Variants in VASP observed in about 807,000 individuals in gnomAD.
The protein encoded by VASP is vasodilator stimulated phosphoprotein, also known as vasodilator-stimulated phosphoprotein.
Under a neutral mutation model 54.4 loss-of-function variants are expected in VASP, and 27 were observed. That is an observed-to-expected ratio of 0.50 (90% CI 0.37 to 0.68). VASP has a LOEUF of 0.68. Ranked by LOEUF, VASP falls within the 30% of genes least tolerant of loss-of-function variation. The probability of loss-of-function intolerance (pLI) is 0.00; values close to 1 mark genes in which losing one functional copy is unlikely to be tolerated. For synonymous variants in VASP, 233 were observed against 209.8 expected, an observed-to-expected ratio of 1.11 and a Z score of -0.96; for missense variants, 488 against 528.3, an observed-to-expected ratio of 0.92 and a Z score of 0.75.
chr19:45,522,855 T>C (rs754385050), intron 7 of VASP, 37 bp downstream of exon 7: 1 of 1,584,592 alleles, frequency 6.3e-7, no homozygotes. Flanking sequence ...CACCTGGAGT[T>C]CCAGTTCAGT....
At chr19:45,525,757 T>A (rs1336245673) in intron 11 of VASP, 189 bp from the exon 12 acceptor site, 1 of 544,392 alleles carries the variant, frequency 1.8e-6, no homozygotes, top group East Asian at 3.3e-5. Flanking sequence ...TGGTCCCAGC[T>A]ACTTGGGAGG....
chr19:45,516,065 G>C (rs895557374), intron 1 of VASP, among the ~76,000 whole-genome samples: 2 of 152,216 alleles, frequency 1.3e-5, no homozygotes, highest in Non-Finnish European at 2.9e-5. Flanking sequence ...GGCTAAGTCA[G>C]ACGTTGCCTT....
chr19:45,517,446 C>G (rs950675614), intron 1 of VASP, among the ~76,000 whole-genome samples: 2 of 151,714 alleles, frequency 1.3e-5, no homozygotes, highest in Admixed American at 1.3e-4. Context: ...CCTCTCTCTG[C>G]GTCTGTCTCT....
At chr19:45,522,125 T>G (rs752008258) in intron 4 of VASP, 43 bp from the exon 5 acceptor site, 1 of 1,612,142 alleles carries the variant, frequency 6.2e-7, no homozygotes, top group Non-Finnish European at 8.5e-7. Context: ...CTGGCCATCC[T>G]TAGGGCCCTG....
At chr19:45,523,528 C>G in intron 7 of VASP, 116 bp from the exon 8 acceptor site, 1 of 1,204,228 alleles carries the variant, frequency 8.3e-7, no homozygotes, top group Middle Eastern at 1.9e-4. Context: ...CTAGAGTTTC[C>G]TTAGGTTTTC....
intron 7 of VASP, among the ~76,000 whole-genome samples, chr19:45,523,244 C>T (rs1968885087): frequency 7.6e-6 from 1 of 132,140 alleles, no homozygotes; most frequent in Non-Finnish European, 1.5e-5. Context: ...GCTCTGTCAC[C>T]CAGGCTGGAG....
At chr19:45,513,493 A>T (rs1197251537) in intron 1 of VASP, among the ~76,000 whole-genome samples, 1 of 99,286 alleles carries the variant, frequency 1.0e-5, no homozygotes. Flanking sequence ...TTTTTTTGAG[A>T]CAGAGTCTCG....
intron 1 of VASP, among the ~76,000 whole-genome samples, chr19:45,511,023 C>CAA (rs534096428): frequency 3.5e-4 from 53 of 150,130 alleles, no homozygotes; most frequent in Admixed American, 8.6e-4. Flanking sequence ...ACTGTGAAAA[C>CAA]TCTTAAGATA....
rs760751536 is a variant in VASP at position 45,524,137 on chromosome 19, G to A, written c.951G>A (p.Leu317=). Residue 317 remains leucine (L), a synonymous_variant, in exon 10 of 13, where the codon TTG becomes TTA. Coordinates refer to ENST00000245932, the MANE Select transcript of VASP (RefSeq NM_003370.4). ...RRPWEKNSTT[L]PRMKSSSSVT... is the part of the protein sequence containing the mutation. The stretch of plus-strand genomic sequence containing the variant: ...CCTGGGAGAAGAACAGCACAACCTT[G>A]CCAAGGTAGGCCATCGGTCCTGGGG... 6.2e-7 allele frequency: 1 copy of A among 1,613,534 alleles called. No individual in the cohort carries two copies. The highest frequency in any genetic ancestry group is 8.5e-7 in the Non-Finnish European group (1 of 1,180,010).
intron 3 of VASP, 140 bp downstream of exon 3, chr19:45,518,234 A>G (rs1388843206): frequency 7.8e-7 from 1 of 1,283,602 alleles, no homozygotes; most frequent in African/African-American, 1.5e-5. Context: ...TATCACTAGC[A>G]TTTTGTGCAT....
At position 45,517,919 on chromosome 19, in the gene VASP, C is replaced by T. The variant is rs751104948; in HGVS notation, c.178-10C>T. ...CCGCCGCCCCTCACCCCCCTTTCCC[C>T]TCCCACCAGGTGGTCATCAACTGTG... On this transcript the variant is annotated splice_polypyrimidine_tract_variant and intron_variant, in intron 2 of 12. Coordinates refer to ENST00000245932, the MANE Select transcript of VASP (RefSeq NM_003370.4). The T allele has an allele frequency of 1.2e-6, 2 of 1,611,618 alleles. No individual in the cohort carries two copies. Among genetic ancestry groups the T allele is most frequent in the Non-Finnish European group, 1.7e-6 (2 of 1,179,162 alleles).
intron 1 of VASP, among the ~76,000 whole-genome samples, chr19:45,508,453 C>G (rs1237590888): frequency 6.6e-6 from 1 of 152,192 alleles, no homozygotes; most frequent in Non-Finnish European, 1.5e-5. Context: ...CTGGCCGTGC[C>G]TAGGACCGAG....
Position 45,526,373 on chromosome 19 carries a change from G to A in VASP, c.*196G>A, listed in dbSNP as rs56391434. 990 of 629,716 alleles carry A rather than the reference G, an allele frequency of 1.6e-3. 3 individuals are homozygous for A. Among genetic ancestry groups the A allele is most frequent in the Non-Finnish European group, 2.3e-3 (880 of 390,270 alleles). The allele number at this position is 629,716 out of a possible 1,614,324, so 39.0% of individuals were successfully genotyped here. On this transcript the variant is annotated 3_prime_UTR_variant, in exon 13 of 13. Coordinates refer to ENST00000245932, the MANE Select transcript of VASP (RefSeq NM_003370.4). ...CCACACTGGCTGCTGATTGGCTGGG[G>A]AGGCCCCCGCCCTTTTCTCCCTTTG...
Position 45,524,575 on chromosome 19 carries a change from A to T in VASP, c.962A>T (p.Lys321Met). 6.2e-7 allele frequency: 1 copy of T among 1,613,972 alleles called. No individual in the cohort carries two copies. Among genetic ancestry groups the T allele is most frequent in the Non-Finnish European group, 8.5e-7 (1 of 1,179,934 alleles). The stretch of plus-strand genomic sequence containing the variant: ...AACCACACCAACTCCCCCAGGATGA[A>T]GTCGTCTTCTTCGGTGACCACTTCC... The part of the protein sequence containing the change: ...EKNSTTLPRM[K>M]SSSSVTTSET... The change falls in exon 11 of 13, where the codon AAG becomes ATG. Residue 321 changes from lysine to methionine, a missense_variant. This residue lies in a region of VASP where 126 missense variants were observed against 134.8 expected (regional missense o/e 0.94). Coordinates refer to ENST00000245932, the MANE Select transcript of VASP (RefSeq NM_003370.4).
At chr19:45,509,623 T>C (rs932814731) in intron 1 of VASP, among the ~76,000 whole-genome samples, 2 of 152,184 alleles carry the variant, frequency 1.3e-5, no homozygotes, top group African/African-American at 4.8e-5. Context: ...GTGGGGGTGC[T>C]GGGGTGGGGT....
intron 3 of VASP, 55 bp downstream of exon 3, chr19:45,518,149 G>A: frequency 1.3e-6 from 2 of 1,577,590 alleles, no homozygotes; most frequent in South Asian, 2.3e-5. Context: ...GTGGCCTGGG[G>A]CTGCCGCTTT....
rs1179715149 is a variant in VASP at position 45,526,541 on chromosome 19, T to TG, written c.*366dup. 5.5e-6 allele frequency: 1 copy of TG among 180,190 alleles called. No homozygotes were observed. The highest frequency in any genetic ancestry group is 2.4e-5 in the African/African-American group (1 of 42,448). 11.2% of individuals were successfully genotyped at this position (180,190 alleles called of 1,614,324 possible). On this transcript the variant is annotated 3_prime_UTR_variant, in exon 13 of 13. Coordinates refer to ENST00000245932, the MANE Select transcript of VASP (RefSeq NM_003370.4). Reference sequence around the variant, plus strand: ...TTAACGCTTAATGCCTTCAAAGTTTTGGTTTTTTTAAGAAAAAAAAATATA... The same window carrying TG: ...TTAACGCTTAATGCCTTCAAAGTTTTGGGTTTTTTTAAGAAAAAAAAATATA...
rs779743146 is a variant in VASP, at chr19:45,522,608, G to A, written c.720+27G>A. On this transcript the variant is annotated intron_variant, in intron 6 of 12. Coordinates refer to ENST00000245932, the MANE Select transcript of VASP (RefSeq NM_003370.4). Reference sequence around the variant, plus strand: ...TGAGGGGCCGGGAGAGGTGGGCAGGGGGCAACAGGGCTTTTATGGGGGATG... The same window carrying A: ...TGAGGGGCCGGGAGAGGTGGGCAGGAGGCAACAGGGCTTTTATGGGGGATG... 8.0e-6 allele frequency: 12 copies of A among 1,500,462 alleles called. No individual in the cohort carries two copies. The Admixed American group carries it at 2.5e-4, about 31-fold the overall frequency. 92.9% of individuals were successfully genotyped at this position (1,500,462 alleles called of 1,614,324 possible). A position where few individuals can be genotyped will look rare whatever the true frequency, so the allele number is the denominator to read the frequency against.
At position 45,524,564 on chromosome 19, in the gene VASP, C is replaced by T; in HGVS notation, c.957-6C>T. The T allele has an allele frequency of 6.2e-7, 1 of 1,613,976 alleles. No homozygotes were observed. Among genetic ancestry groups the T allele is most frequent in the Non-Finnish European group, 8.5e-7 (1 of 1,179,936 alleles). On this transcript the variant is annotated splice_region_variant and splice_polypyrimidine_tract_variant and intron_variant, in intron 10 of 12. Coordinates refer to ENST00000245932, the MANE Select transcript of VASP (RefSeq NM_003370.4). ...TTGCTGTCCCAAACCACACCAACTC[C>T]CCCAGGATGAAGTCGTCTTCTTCGG...
Sources: allele counts gnomAD v4.1 joint callset (sites outside exome capture counted in the v4.1 genomes callset), GRCh38; gene constraint gnomAD v4.1.1; regional missense constraint gnomAD v4.1.1; transcripts MANE v1.5; gene names NCBI Gene and HGNC (gene_info 2026-07-23, HGNC 2026-07-21).